VTI1A: variants seen among roughly 807,000 people sequenced by gnomAD.
VTI1A encodes the protein vesicle transport through interaction with t-SNAREs homolog 1A.
Under a neutral mutation model 34.9 loss-of-function variants are expected in VTI1A, and 22 were observed. That is an observed-to-expected ratio of 0.63 (90% CI 0.45 to 0.90). The LOEUF (loss-of-function observed/expected upper bound fraction) is 0.90. Among genes scored for constraint, VTI1A ranks in the 40% least tolerant of loss-of-function variants. The pLI, the probability that VTI1A is intolerant of heterozygous loss-of-function variation, is 0.00. For missense variants in VTI1A, 268 were observed against 275.6 expected (o/e 0.97, Z 0.20); for synonymous variants, 87 against 97.3 (o/e 0.89, Z 0.62).
Position 112,767,747 on chromosome 10 carries a change from T to G in VTI1A, c.561-47543T>G, listed in dbSNP as rs1851688180. On this transcript the variant is annotated intron_variant, in intron 7 of 7. Transcript: ENST00000393077. The surrounding 1 kb of genome is among the most constrained non-coding windows in gnomAD (Gnocchi z 4.0). Reference sequence around the variant, plus strand: ...TTGGTTGCGATGAAAAAATAATAATTTTTAAAATTGTTTGAAGACCAATGG... The same window carrying G: ...TTGGTTGCGATGAAAAAATAATAATGTTTAAAATTGTTTGAAGACCAATGG... Among the ~76,000 whole-genome samples the G allele has an allele frequency of 6.6e-6, 1 of 152,234 alleles. No homozygotes were observed. Among genetic ancestry groups the G allele is most frequent in the African/African-American group, 2.4e-5 (1 of 41,462 alleles).
rs369033672 is a variant in VTI1A at position 112,524,148 on chromosome 10, G to A, written c.265-2939G>A. ...TTCCCCCTTTTTTGGTATTCAGTTA[G>A]TTTAATGATGATCTTGCAGGCTAAG... On this transcript the variant is annotated intron_variant, in intron 3 of 7. Transcript: ENST00000393077. Among the ~76,000 whole-genome samples the A allele has an allele frequency of 3.9e-5, 6 of 152,032 alleles. No homozygotes were observed. The East Asian group carries it at 9.7e-4, about 24-fold the overall frequency.
chr10:112,645,375 G>A (rs947802864), intron 5 of VTI1A, among the ~76,000 whole-genome samples: 5 of 152,184 alleles, frequency 3.3e-5, no homozygotes, highest in Non-Finnish European at 7.3e-5. Flanking sequence ...GTTTCAGGAA[G>A]CATCACTAAA....
intron 7 of VTI1A, among the ~76,000 whole-genome samples, chr10:112,781,873 C>T (rs756375343): frequency 6.6e-6 from 1 of 152,030 alleles, no homozygotes; most frequent in Non-Finnish European, 1.5e-5. Flanking sequence ...ATAAATGAGA[C>T]TTTGTCAGCT....
chr10:112,840,418 T>G, the VTI1A span, among the ~76,000 whole-genome samples: 2 of 152,198 alleles, frequency 1.3e-5, no homozygotes, highest in East Asian at 3.9e-4. Flanking sequence ...TGCCTGTCTC[T>G]GAGTCTCTGC....
intron 7 of VTI1A, among the ~76,000 whole-genome samples, chr10:112,736,252 C>G (rs1850467128): frequency 6.6e-6 from 1 of 151,378 alleles, no homozygotes; most frequent in African/African-American, 2.4e-5. Context: ...GACTCTCTGT[C>G]CACCTTACCT....
chr10:112,786,826 G>T (rs901267353), intron 7 of VTI1A, among the ~76,000 whole-genome samples: 20 of 152,108 alleles, frequency 1.3e-4, no homozygotes, highest in African/African-American at 4.8e-4. Flanking sequence ...TATGTTATAG[G>T]ATTCAGTTTG....
At chr10:112,670,929 CT>C (rs1564876589) in intron 7 of VTI1A, among the ~76,000 whole-genome samples, 1 of 152,198 alleles carries the variant, frequency 6.6e-6, no homozygotes, top group Non-Finnish European at 1.5e-5. Context: ...CAGCTGGGAT[CT>C]TGGTATCAGC....
At chr10:112,488,883 A>C (rs1367301532) in intron 3 of VTI1A, among the ~76,000 whole-genome samples, 2 of 152,182 alleles carry the variant, frequency 1.3e-5, no homozygotes, top group Non-Finnish European at 2.9e-5. Context: ...GTATTAACAA[A>C]GTTTTTTTTA....
chr10:112,575,085 A>C (rs1852282118), intron 5 of VTI1A, among the ~76,000 whole-genome samples: 1 of 152,212 alleles, frequency 6.6e-6, no homozygotes, highest in African/African-American at 2.4e-5. Context: ...AGTTTGCTTC[A>C]CTAGCATGCA....
intron 3 of VTI1A, among the ~76,000 whole-genome samples, chr10:112,484,072 C>A (rs545888826): frequency 1.2e-4 from 18 of 152,310 alleles, no homozygotes; most frequent in South Asian, 8.3e-4. Flanking sequence ...TCATAACCAA[C>A]CTACACTTAT....
At chr10:112,548,534 A>C in intron 5 of VTI1A, 1 of 636,208 alleles carries the variant, frequency 1.6e-6, no homozygotes, top group East Asian at 2.7e-5. Flanking sequence ...TTAAATGGCC[A>C]ATTGAAACAA....
intron 5 of VTI1A, among the ~76,000 whole-genome samples, chr10:112,652,912 T>C (rs1223327479): frequency 1.3e-4 from 20 of 152,112 alleles, no homozygotes; most frequent in Admixed American, 1.3e-3. Flanking sequence ...TCTTGGCATC[T>C]TGAACAAAGA....
At chr10:112,570,095 C>G (rs973787972) in intron 5 of VTI1A, among the ~76,000 whole-genome samples, 33 of 152,246 alleles carry the variant, frequency 2.2e-4, no homozygotes, top group African/African-American at 7.9e-4. Flanking sequence ...AATTATATGG[C>G]CCTTGCTTTT....
chr10:112,818,848 C>T (rs547927071), downstream of VTI1A: 4 of 175,170 alleles, frequency 2.3e-5, no homozygotes, highest in East Asian at 3.0e-4. Context: ...TATTTTTCCA[C>T]TCCGAGCTCT....
intron 3 of VTI1A, among the ~76,000 whole-genome samples, chr10:112,474,785 T>G (rs1848223949): frequency 6.6e-6 from 1 of 152,208 alleles, no homozygotes; most frequent in African/African-American, 2.4e-5. Context: ...AAGTTGGTTC[T>G]CCATTACTAA....
chr10:112,829,279 C>T, the VTI1A span, among the ~76,000 whole-genome samples: 3 of 151,604 alleles, frequency 2.0e-5, no homozygotes, highest in Non-Finnish European at 4.4e-5. Flanking sequence ...CCCGTCTCTA[C>T]TAAAAATACA....
chr10:112,620,113 G>A (rs1845672025), intron 5 of VTI1A, among the ~76,000 whole-genome samples: 1 of 152,228 alleles, frequency 6.6e-6, no homozygotes, highest in Non-Finnish European at 1.5e-5. Context: ...GTAACTTTGT[G>A]TAATATTAAC....
At chr10:112,815,033 G>C (rs564237237) in intron 7 of VTI1A, among the ~76,000 whole-genome samples, 2 of 152,004 alleles carry the variant, frequency 1.3e-5, no homozygotes, top group Non-Finnish European at 2.9e-5. Context: ...CCTTAGCTTT[G>C]CAGTAAGCAT....
intron 7 of VTI1A, among the ~76,000 whole-genome samples, chr10:112,791,568 C>G (rs549797451): frequency 6.6e-6 from 1 of 152,116 alleles, no homozygotes; most frequent in South Asian, 2.1e-4. Context: ...TCTTCTGCAC[C>G]TTTCTTGCTA....
Sources: allele counts gnomAD v4.1 joint callset (sites outside exome capture counted in the v4.1 genomes callset), GRCh38; gene constraint gnomAD v4.1.1; non-coding constraint Gnocchi (gnomAD v3.1); transcripts MANE v1.5; gene names NCBI Gene and HGNC (gene_info 2026-07-23, HGNC 2026-07-21).